Variants in LPP observed in about 807,000 individuals in gnomAD.
LPP encodes LIM domain containing preferred translocation partner in lipoma, also known as lipoma-preferred partner.
A neutral mutation model predicts 60.4 loss-of-function variants in LPP; 38 were observed. That is an observed-to-expected ratio of 0.63 (90% CI 0.49 to 0.83). LPP has a LOEUF of 0.83. LPP is among the 40% of genes least tolerant of loss of function. The pLI is 0.00. For synonymous variants in LPP, 328 were observed against 290.8 expected (o/e 1.13, Z -1.30); for missense variants, 902 against 783.6 (o/e 1.15, Z -1.80).
intron 9 of LPP, among the ~76,000 whole-genome samples, chr3:188,862,752 AGAAAG>A (rs1317019186): frequency 4.1e-5 from 6 of 146,006 alleles, no homozygotes; most frequent in Non-Finnish European, 7.5e-5. Context: ...AAAAAAGAAA[AGAAAG>A]AAAGAAAAAG....
intron 9 of LPP, among the ~76,000 whole-genome samples, chr3:188,795,796 G>C (rs1745167206): frequency 6.6e-6 from 1 of 152,050 alleles, no homozygotes; most frequent in Non-Finnish European, 1.5e-5. Flanking sequence ...TATTAACAGA[G>C]TATATAAAAT....
intron 3 of LPP, among the ~76,000 whole-genome samples, chr3:188,349,446 C>A (rs984371414): frequency 6.6e-6 from 1 of 152,150 alleles, no homozygotes; most frequent in African/African-American, 2.4e-5. Context: ...CTGGGGCCAT[C>A]AAAACGTGTG....
chr3:188,473,347 G>GACA (rs1369400236), intron 4 of LPP, among the ~76,000 whole-genome samples: 4 of 152,002 alleles, frequency 2.6e-5, no homozygotes, highest in African/African-American at 9.7e-5. Flanking sequence ...CTCTTTTCTG[G>GACA]TCTAGAATTA....
intron 7 of LPP, among the ~76,000 whole-genome samples, chr3:188,622,857 G>C (rs989788688): frequency 6.6e-6 from 1 of 151,854 alleles, no homozygotes. Flanking sequence ...GTGAAACCCT[G>C]TCTCTACTAA....
chr3:188,772,999 A>G (rs902319902), intron 9 of LPP, among the ~76,000 whole-genome samples: 4 of 152,156 alleles, frequency 2.6e-5, no homozygotes, highest in African/African-American at 9.7e-5. Flanking sequence ...TCAAAGATTG[A>G]AGGGAAAGAT....
At chr3:188,628,140 C>T (rs1199957996) in intron 7 of LPP, among the ~76,000 whole-genome samples, 2 of 152,048 alleles carry the variant, frequency 1.3e-5, no homozygotes, top group Admixed American at 6.6e-5. Flanking sequence ...CAAACACCTA[C>T]ATCTGTAAGT....
intron 1 of LPP, among the ~76,000 whole-genome samples, chr3:188,175,806 C>T (rs1037263731): frequency 1.3e-5 from 2 of 151,996 alleles, no homozygotes; most frequent in African/African-American, 4.8e-5. Context: ...ACCAGGATGC[C>T]ACTGTGCTCA....
intron 9 of LPP, among the ~76,000 whole-genome samples, chr3:188,796,810 T>C (rs558121805): frequency 6.6e-6 from 1 of 152,348 alleles, no homozygotes; most frequent in East Asian, 1.9e-4. Flanking sequence ...GAAATAGATC[T>C]AGATCACAGC....
At position 188,874,389 on chromosome 3, in the gene LPP, C is replaced by T. The variant is rs1338740601; in HGVS notation, c.1749C>T (p.Gly583=). ...TCCTGTCTGAAGGAGATAACCAAGG[C>T]TGCTACCCCTTGGATGGGCACATCC... ...GGLLSEGDNQ[G]CYPLDGHILC... Residue 583 remains glycine, a synonymous_variant, in exon 12 of 12, where the codon GGC becomes GGT. Transcript: ENST00000617246. The T allele has an allele frequency of 1.9e-6, 3 of 1,613,982 alleles. No individual in the cohort carries two copies. The highest frequency in any genetic ancestry group is 2.5e-6 in the Non-Finnish European group (3 of 1,179,962).
Position 188,609,545 on chromosome 3 carries a change from G to T in LPP, c.814G>T (p.Asp272Tyr). Residue 272 changes from aspartate to tyrosine, a missense_variant, in exon 7 of 12, where the codon GAT (aspartate) becomes TAT (tyrosine). Asp to Tyr is a radical substitution (Grantham distance 160, BLOSUM62 -3). Coordinates refer to ENST00000617246, the MANE Select transcript of LPP (RefSeq NM_001375462.1). The surrounding 1 kb of genome is among the most constrained non-coding windows in gnomAD (Gnocchi z 6.9). ...ACCTCCTTCAACACGGGGAGGCATG[G>T]ATTATGCCTACATTCCACCACCAGG... ...CPPPSTRGGMDYAYIPPPGLQ... is the reference protein window; with the variant it reads ...CPPPSTRGGMYYAYIPPPGLQ... The T allele has an allele frequency of 6.2e-7, 1 of 1,614,154 alleles. No homozygotes were observed. The highest frequency in any genetic ancestry group is 8.5e-7 in the Non-Finnish European group (1 of 1,180,028).
At chr3:188,825,901 C>T (rs1755355294) in intron 9 of LPP, among the ~76,000 whole-genome samples, 1 of 152,040 alleles carries the variant, frequency 6.6e-6, no homozygotes, top group East Asian at 1.9e-4. Context: ...ACGTAGGACA[C>T]GTTTTTTTCT....
chr3:188,312,224 C>T (rs1409191785), intron 2 of LPP, among the ~76,000 whole-genome samples: 1 of 151,966 alleles, frequency 6.6e-6, no homozygotes, highest in Non-Finnish European at 1.5e-5. Context: ...TATATACATG[C>T]CATTTATATA....
chr3:188,432,004 T>C (rs1337514576), intron 4 of LPP, among the ~76,000 whole-genome samples: 1 of 152,172 alleles, frequency 6.6e-6, no homozygotes, highest in African/African-American at 2.4e-5. Context: ...GAGCAAAATA[T>C]ACATTCATGT....
chr3:188,359,450 AG>A (rs1432689471), intron 3 of LPP, among the ~76,000 whole-genome samples: 3 of 152,220 alleles, frequency 2.0e-5, no homozygotes, highest in Non-Finnish European at 4.4e-5. Flanking sequence ...ACATGGTTAA[AG>A]TCGGCACCTG....
intron 7 of LPP, among the ~76,000 whole-genome samples, chr3:188,684,373 A>G (rs189831077): frequency 1.2e-4 from 18 of 152,350 alleles, no homozygotes; most frequent in African/African-American, 4.3e-4. Flanking sequence ...GAAAAAGAAG[A>G]AAGTACACCT....
chr3:188,677,314 G>A lies in LPP; in HGVS notation c.1114-30953G>A, dbSNP rs73056798. Among the ~76,000 whole-genome samples, 1,097 of 152,118 alleles carry A rather than the reference G, an allele frequency of 7.2e-3. 25 individuals are homozygous for A. Among genetic ancestry groups the A allele is most frequent in the African/African-American group, 0.026 (1,058 of 41,476 alleles). ...GAATCTAACATTTTCTTCACCTTTCGTTTTCTACATAATAGTTACTAAGTG... is the reference window on the plus strand; with the variant it reads ...GAATCTAACATTTTCTTCACCTTTCATTTTCTACATAATAGTTACTAAGTG... On this transcript the variant is annotated intron_variant, in intron 7 of 11. Transcript: ENST00000617246.
chr3:188,753,855 C>G (rs1729084596), intron 8 of LPP, among the ~76,000 whole-genome samples: 1 of 152,156 alleles, frequency 6.6e-6, no homozygotes, highest in Non-Finnish European at 1.5e-5. Flanking sequence ...CTTTCCCCCA[C>G]TAGCCACGTA....
intron 2 of LPP, among the ~76,000 whole-genome samples, chr3:188,258,115 A>G (rs1732284046): frequency 6.6e-6 from 1 of 152,228 alleles, no homozygotes; most frequent in Non-Finnish European, 1.5e-5. Flanking sequence ...TCCCACTACA[A>G]AGAGCTCATC....
Position 188,182,796 on chromosome 3 carries a change from A to G in LPP, c.-190+28544A>G, listed in dbSNP as rs1205974777. ...GTGCATATATAATATATGTACATAT[A>G]CAATATATGCACATATATAATATAT... On this transcript the variant is annotated intron_variant, in intron 1 of 11. Coordinates refer to ENST00000617246, the MANE Select transcript of LPP (RefSeq NM_001375462.1). This position sits in a 1 kb window ranked among gnomAD's most constrained non-coding sequence, Gnocchi z 4.4. Among the ~76,000 whole-genome samples, 1 of 142,676 alleles carries G rather than the reference A, an allele frequency of 7.0e-6. No individual in the cohort carries two copies. Among genetic ancestry groups the G allele is most frequent in the African/African-American group, 2.5e-5 (1 of 39,996 alleles). 93.6% of individuals were successfully genotyped at this position (142,676 alleles called of 152,430 possible). A position where few individuals can be genotyped will look rare whatever the true frequency, so the allele number is the denominator to read the frequency against.
Sources: gnomAD v4.1 joint callset for allele counts (sites outside exome capture counted in the v4.1 genomes callset) on GRCh38, gnomAD v4.1.1 for gene constraint, Gnocchi (gnomAD v3.1) non-coding constraint, MANE v1.5 for transcripts, NCBI Gene and HGNC (gene_info 2026-07-23, HGNC 2026-07-21) for gene names.